BBS9: variants seen among roughly 807,000 people sequenced by gnomAD.
The protein encoded by BBS9 is Bardet-Biedl syndrome 9, also known as protein PTHB1.
A neutral mutation model predicts 117.7 loss-of-function variants in BBS9; 89 were observed. The observed-to-expected ratio is 0.76, with a 90% confidence interval of 0.64 to 0.90. The LOEUF (loss-of-function observed/expected upper bound fraction) is 0.90, where lower values mean the gene tolerates loss of function less well. Among genes scored for constraint, BBS9 ranks in the 40% least tolerant of loss-of-function variants. BBS9 has a pLI of 0.00. For missense variants in BBS9, 982 were observed against 1,042.2 expected (o/e 0.94, Z 0.80); for synonymous variants, 379 against 370.9 (o/e 1.02, Z -0.25).
intron 19 of BBS9, among the ~76,000 whole-genome samples, chr7:33,423,271 C>A (rs1433827775): frequency 6.6e-6 from 1 of 152,114 alleles, no homozygotes; most frequent in Non-Finnish European, 1.5e-5. Context: ...CTGCTGGGGT[C>A]AGGAGCAGCC....
chr7:33,410,868 CTT>C (rs1465080706), intron 19 of BBS9, among the ~76,000 whole-genome samples: 1 of 58,848 alleles, frequency 1.7e-5, no homozygotes, highest in Non-Finnish European at 3.1e-5. Flanking sequence ...TAGATGCAAC[CTT>C]TTTCTCCTTT....
intron 18 of BBS9, among the ~76,000 whole-genome samples, chr7:33,384,234 A>T (rs941673346): frequency 6.6e-6 from 1 of 152,224 alleles, no homozygotes; most frequent in Non-Finnish European, 1.5e-5. Context: ...CTTTTTTAAC[A>T]AGCATACCAG....
chr7:33,138,432 G>A (rs1252386131), intron 1 of BBS9, among the ~76,000 whole-genome samples: 1 of 151,118 alleles, frequency 6.6e-6, no homozygotes, highest in Non-Finnish European at 1.5e-5. Flanking sequence ...TCAACCTTAA[G>A]GTGCATGTGA....
At chr7:33,214,092 A>C (rs1019795485) in intron 5 of BBS9, among the ~76,000 whole-genome samples, 2 of 152,148 alleles carry the variant, frequency 1.3e-5, no homozygotes, top group African/African-American at 2.4e-5. Flanking sequence ...ACTGCTTTTC[A>C]TGTGTACCTA....
intron 4 of BBS9, among the ~76,000 whole-genome samples, chr7:33,164,278 G>A (rs539542225): frequency 1.3e-4 from 20 of 152,292 alleles, no homozygotes; most frequent in African/African-American, 4.3e-4. Context: ...GAATAAGTGC[G>A]ATGTGGTGCT....
rs189310609 is a variant in BBS9 at position 33,466,067 on chromosome 7, T to G, written c.2116-39396T>G. On this transcript the variant is annotated intron_variant, in intron 19 of 22. Coordinates refer to ENST00000242067, the MANE Select transcript of BBS9 (RefSeq NM_198428.3). ...TATATAACATTTTTTGAGAGAGAGATATATATATATATACACACATTGTGA... is the reference window on the plus strand; with the variant it reads ...TATATAACATTTTTTGAGAGAGAGAGATATATATATATACACACATTGTGA... Among the ~76,000 whole-genome samples, 330 of 151,220 alleles carry G rather than the reference T, an allele frequency of 2.2e-3. 2 individuals are homozygous for G. The highest frequency in any genetic ancestry group is 8.3e-3 in the South Asian group (40 of 4,798).
At chr7:33,178,703 G>A (rs1583489767) in intron 5 of BBS9, among the ~76,000 whole-genome samples, 1 of 151,494 alleles carries the variant, frequency 6.6e-6, no homozygotes, top group African/African-American at 2.4e-5. Flanking sequence ...TTGTTTAACT[G>A]TTGCATTGTA....
intron 19 of BBS9, among the ~76,000 whole-genome samples, chr7:33,438,389 TTAAGA>T (rs1209505124): frequency 6.6e-6 from 1 of 152,212 alleles, no homozygotes; most frequent in East Asian, 1.9e-4. Flanking sequence ...AGGTACAAAA[TTAAGA>T]TAAGATATTT....
chr7:33,151,911 A>G (rs1290043476), intron 2 of BBS9, among the ~76,000 whole-genome samples: 1 of 136,210 alleles, frequency 7.3e-6, no homozygotes, highest in African/African-American at 2.8e-5. Context: ...AGGCTAGAGT[A>G]CAGTGGCACG....
intron 6 of BBS9, 83 bp from the exon 7 acceptor site, chr7:33,264,207 T>G: frequency 4.4e-6 from 3 of 688,112 alleles, no homozygotes; most frequent in Non-Finnish European, 6.5e-6. Context: ...GTTTATAGAT[T>G]ATTGTGTACT....
At chr7:33,149,276 G>A (rs1472638844) in intron 2 of BBS9, among the ~76,000 whole-genome samples, 4 of 152,190 alleles carry the variant, frequency 2.6e-5, no homozygotes. Flanking sequence ...CACAGTGCCA[G>A]AGGAAAGAAG....
intron 9 of BBS9, among the ~76,000 whole-genome samples, chr7:33,286,222 A>G (rs1417372946): frequency 6.6e-6 from 1 of 151,982 alleles, no homozygotes; most frequent in Non-Finnish European, 1.5e-5. Context: ...TAAAAATGAA[A>G]CTCTCAATCT....
chr7:33,502,644 G>C (rs981273295), intron 19 of BBS9, among the ~76,000 whole-genome samples: 2 of 152,162 alleles, frequency 1.3e-5, no homozygotes, highest in African/African-American at 2.4e-5. Context: ...GATGTGGGAG[G>C]AGCTGACTGA....
Position 33,605,439 on chromosome 7 carries a change from T to C in BBS9, c.*213T>C, listed in dbSNP as rs1864460336. 1.6e-6 allele frequency: 1 copy of C among 610,356 alleles called. No individual in the cohort carries two copies. Among genetic ancestry groups the C allele is most frequent in the South Asian group, 1.9e-5 (1 of 51,448 alleles). The allele number at this position is 610,356 out of a possible 1,614,324, so 37.8% of individuals were successfully genotyped here. A position where few individuals can be genotyped will look rare whatever the true frequency, so the allele number is the denominator to read the frequency against. ...GAAGTCAGCTGAAACTTGTCTTGTT[T>C]TGCCAGGAAAGGAAGTAGTTGCCTT... On this transcript the variant is annotated 3_prime_UTR_variant, in exon 23 of 23. Coordinates refer to ENST00000242067, the MANE Select transcript of BBS9 (RefSeq NM_198428.3).
intron 9 of BBS9, among the ~76,000 whole-genome samples, chr7:33,285,811 C>A (rs1802772442): frequency 1.3e-5 from 2 of 151,946 alleles, no homozygotes; most frequent in African/African-American, 2.4e-5. Context: ...AAAGCCATAT[C>A]TTTATTTTTA....
At chr7:33,184,867 C>T (rs962326958) in intron 5 of BBS9, among the ~76,000 whole-genome samples, 7 of 152,176 alleles carry the variant, frequency 4.6e-5, no homozygotes, top group Non-Finnish European at 8.8e-5. Context: ...ATTGGCAGAG[C>T]AGCCCTGAGG....
chr7:33,561,812 A>G (rs1856123865), intron 21 of BBS9, among the ~76,000 whole-genome samples: 1 of 152,178 alleles, frequency 6.6e-6, no homozygotes, highest in African/African-American at 2.4e-5. Context: ...TTAAAATTAA[A>G]CCAGCTGAAA....
intron 5 of BBS9, among the ~76,000 whole-genome samples, chr7:33,239,676 A>G (rs1247503859): frequency 2.6e-5 from 4 of 152,076 alleles, no homozygotes; most frequent in Non-Finnish European, 5.9e-5. Flanking sequence ...CCTTTCCTAT[A>G]CTAACATTCT....
chr7:33,467,105 A>G (rs1840288740), intron 19 of BBS9, among the ~76,000 whole-genome samples: 1 of 152,046 alleles, frequency 6.6e-6, no homozygotes, highest in East Asian at 1.9e-4. Context: ...TAAAGAGAAT[A>G]TGGGTTACCT....
Sources: gnomAD v4.1 joint callset for allele counts (sites outside exome capture counted in the v4.1 genomes callset) on GRCh38, gnomAD v4.1.1 for gene constraint, MANE v1.5 for transcripts, NCBI Gene and HGNC (gene_info 2026-07-23, HGNC 2026-07-21) for gene names.